Variants in AKR1D1 observed in about 807,000 individuals in gnomAD.
The protein encoded by AKR1D1 is aldo-keto reductase family 1 member D1.
A neutral mutation model predicts 42.6 loss-of-function variants in AKR1D1; 32 were observed. That is an observed-to-expected ratio of 0.75 (90% CI 0.57 to 1.01). The LOEUF (loss-of-function observed/expected upper bound fraction) is 1.01, where lower values mean the gene tolerates loss of function less well. Among genes scored for constraint, AKR1D1 ranks in the 50% least tolerant of loss-of-function variants. The pLI, the probability that AKR1D1 is intolerant of heterozygous loss-of-function variation, is 0.00. For synonymous variants in AKR1D1, 123 were observed against 135.5 expected, an observed-to-expected ratio of 0.91 and a Z score of 0.64; for missense variants, 364 against 402.2, an observed-to-expected ratio of 0.91 and a Z score of 0.81.
At chr7:138,080,081 G>A (rs1415351567) in intron 1 of AKR1D1, among the ~76,000 whole-genome samples, 1 of 152,184 alleles carries the variant, frequency 6.6e-6, no homozygotes, top group East Asian at 1.9e-4. Context: ...CACAGTAAAT[G>A]GGTAGGAATA....
chr7:138,108,205 G>A (rs1009508694), intron 7 of AKR1D1, among the ~76,000 whole-genome samples: 11 of 152,130 alleles, frequency 7.2e-5, no homozygotes, highest in East Asian at 5.8e-4. Context: ...TATGACTTAC[G>A]TTGTAACTTC....
chr7:138,097,529 T>C (rs1164538649), intron 3 of AKR1D1, among the ~76,000 whole-genome samples: 1 of 152,186 alleles, frequency 6.6e-6, no homozygotes, highest in Non-Finnish European at 1.5e-5. Context: ...TCAAAGGCTG[T>C]CCCAGCAGGG....
intron 3 of AKR1D1, among the ~76,000 whole-genome samples, chr7:138,096,200 T>C (rs1362945349): frequency 1.3e-5 from 2 of 151,882 alleles, no homozygotes; most frequent in African/African-American, 4.8e-5. Flanking sequence ...AGTAAGACCT[T>C]GTCTCAAAAA....
rs1245351050 is a variant in AKR1D1 at position 138,117,319 on chromosome 7, C to T, written c.*657C>T. On this transcript the variant is annotated 3_prime_UTR_variant, in exon 9 of 9. Coordinates refer to ENST00000242375, the MANE Select transcript of AKR1D1 (RefSeq NM_005989.4). Reference sequence around the variant, plus strand: ...AACTTAACTGGATCTCTCTTGCATCCTTAAAGGGCCTGAGTCTCAACATGG... The same window carrying T: ...AACTTAACTGGATCTCTCTTGCATCTTTAAAGGGCCTGAGTCTCAACATGG... 1.3e-5 allele frequency: 2 copies of T among 152,748 alleles called. No individual in the cohort carries two copies. The highest frequency in any genetic ancestry group is 2.9e-5 in the Non-Finnish European group (2 of 68,154). 9.5% of individuals were successfully genotyped at this position (152,748 alleles called of 1,614,324 possible). A position where few individuals can be genotyped will look rare whatever the true frequency, so the allele number is the denominator to read the frequency against.
chr7:138,092,333 C>T lies in AKR1D1; in HGVS notation c.378+449C>T, dbSNP rs17169513. On this transcript the variant is annotated intron_variant, in intron 3 of 8. Coordinates refer to ENST00000242375, the MANE Select transcript of AKR1D1 (RefSeq NM_005989.4). ...TTCTTCCCACTCACACAGTCACAAT[C>T]TCCGCCCTCATCCTCACTTTGTTAA... is the stretch of plus-strand genomic sequence containing the variant. 7.4e-3 allele frequency among the ~76,000 whole-genome samples: 1,131 copies of T among 152,330 alleles called. 19 individuals carry two copies. Among genetic ancestry groups the T allele is most frequent in the African/African-American group, 0.026 (1,064 of 41,584 alleles).
chr7:138,084,487 G>A (rs1166289391), intron 1 of AKR1D1, among the ~76,000 whole-genome samples: 1 of 151,822 alleles, frequency 6.6e-6, no homozygotes, highest in Admixed American at 6.6e-5. Context: ...CCAAAGCGCT[G>A]GGATTACAGG....
rs1793990221 is a variant in AKR1D1, at chr7:138,088,715, G to A, written c.208G>A (p.Glu70Lys). The A allele has an allele frequency of 3.7e-6, 6 of 1,613,122 alleles. No homozygotes were observed. The highest frequency in any genetic ancestry group is 2.5e-6 in the Non-Finnish European group (3 of 1,179,658). ...NEHEVGEAIR[E>K]KIAEGKVRRE... ...ACACGAAGTTGGGGAGGCCATCAGG[G>A]AGAAGATAGCAGAAGGAAAGGTGCG... The change falls in exon 2 of 9, where the codon GAG (glutamate) becomes AAG (lysine). Residue 70 changes from glutamate to lysine, a missense_variant. Coordinates refer to ENST00000242375, the MANE Select transcript of AKR1D1 (RefSeq NM_005989.4).
At chr7:138,112,739 A>G (rs962893316) in intron 7 of AKR1D1, among the ~76,000 whole-genome samples, 1 of 151,154 alleles carries the variant, frequency 6.6e-6, no homozygotes, top group East Asian at 1.9e-4. Context: ...ATAATTAAAT[A>G]TATTAAAAGT....
At chr7:138,107,613 T>C (rs756425655) in intron 7 of AKR1D1, 33 bp downstream of exon 7, 5 of 1,609,400 alleles carry the variant, frequency 3.1e-6, no homozygotes, top group African/African-American at 1.3e-5. Context: ...TGTGAAAAGA[T>C]GGGTATGTTT....
At chr7:138,081,121 A>G (rs1318647645) in intron 1 of AKR1D1, among the ~76,000 whole-genome samples, 2 of 152,148 alleles carry the variant, frequency 1.3e-5, no homozygotes, top group Admixed American at 6.5e-5. Flanking sequence ...TATATCTACT[A>G]TAGTGGGCTC....
intron 2 of AKR1D1, 33 bp downstream of exon 2, chr7:138,088,801 A>AG (rs1375288041): frequency 6.4e-7 from 1 of 1,564,830 alleles, no homozygotes; most frequent in African/African-American, 1.4e-5. Flanking sequence ...CACTGGGGAC[A>AG]GTGAGAAGGT....
rs1794651421 is a variant in AKR1D1, at chr7:138,117,197, G to A, written c.*535G>A. On this transcript the variant is annotated 3_prime_UTR_variant, in exon 9 of 9. Transcript: ENST00000242375. ...ACATGTAGAAAAGTCTTAAAATAGAGCTAAACACCACAGTGGTCAACAAAG... is the reference window on the plus strand; with the variant it reads ...ACATGTAGAAAAGTCTTAAAATAGAACTAAACACCACAGTGGTCAACAAAG... 1 of 154,208 alleles carries A rather than the reference G, an allele frequency of 6.5e-6. No individual in the cohort carries two copies. The highest frequency in any genetic ancestry group is 2.4e-5 in the African/African-American group (1 of 41,442). 9.6% of individuals were successfully genotyped at this position (154,208 alleles called of 1,614,324 possible).
chr7:138,077,450 C>A (rs1227028177), intron 1 of AKR1D1, among the ~76,000 whole-genome samples: 1 of 152,208 alleles, frequency 6.6e-6, no homozygotes, highest in Non-Finnish European at 1.5e-5. Context: ...TCAATTACCT[C>A]TCCCTCGGTC....
At chr7:138,102,875 G>C (rs1338938096) in intron 4 of AKR1D1, among the ~76,000 whole-genome samples, 2 of 151,966 alleles carry the variant, frequency 1.3e-5, no homozygotes, top group African/African-American at 4.8e-5. Flanking sequence ...ATAGCCCGGT[G>C]TGAATAGTTA....
intron 1 of AKR1D1, among the ~76,000 whole-genome samples, 168 bp downstream of exon 1, chr7:138,076,779 T>C (rs1413285978): frequency 1.3e-5 from 2 of 152,186 alleles, no homozygotes; most frequent in African/African-American, 4.8e-5. Flanking sequence ...GAATAGGTAT[T>C]GAGCCAAAGG....
intron 7 of AKR1D1, among the ~76,000 whole-genome samples, chr7:138,111,318 A>G (rs901424365): frequency 5.9e-5 from 9 of 152,192 alleles, no homozygotes; most frequent in African/African-American, 2.2e-4. Context: ...AAACATCTGG[A>G]AAGAGAAGTT....
At position 138,107,521 on chromosome 7, in the gene AKR1D1, C is replaced by G. The variant is rs770247815; in HGVS notation, c.796C>G (p.Arg266Gly). Residue 266 changes from arginine (R) to glycine (G), a missense_variant, in exon 7 of 9, where the codon CGA becomes GGA. Arg to Gly is a moderately radical substitution (Grantham distance 125). Transcript: ENST00000242375. ...AQIVLRFNIQ[R>G]GVVVIPKSFN... is the part of the protein sequence containing the mutation. Reference sequence around the variant, plus strand: ...AATTGTTTTGCGTTTCAACATCCAGCGAGGGGTGGTTGTCATTCCTAAAAG... The same window carrying G: ...AATTGTTTTGCGTTTCAACATCCAGGGAGGGGTGGTTGTCATTCCTAAAAG... The G allele has an allele frequency of 3.1e-6, 5 of 1,614,066 alleles. No homozygotes were observed. The highest frequency in any genetic ancestry group is 1.3e-5 in the African/African-American group (1 of 75,012).
chr7:138,109,881 G>A (rs948725847), intron 7 of AKR1D1, among the ~76,000 whole-genome samples: 2 of 152,114 alleles, frequency 1.3e-5, no homozygotes, highest in African/African-American at 4.8e-5. Context: ...AAAGCATTTG[G>A]ACTTTATAGC....
chr7:138,094,672 C>T (rs935976174), intron 3 of AKR1D1, among the ~76,000 whole-genome samples: 1 of 152,214 alleles, frequency 6.6e-6, no homozygotes, highest in South Asian at 2.1e-4. Flanking sequence ...TGTGCCACCA[C>T]ACTCACCTAA....
Sources: gnomAD v4.1 joint callset for allele counts (sites outside exome capture counted in the v4.1 genomes callset) on GRCh38, gnomAD v4.1.1 for gene constraint, MANE v1.5 for transcripts, NCBI Gene and HGNC (gene_info 2026-07-23, HGNC 2026-07-21) for gene names.